Variants in GALNT13 observed in about 807,000 individuals in gnomAD.
GALNT13 encodes the protein UDP-GalNAc:polypeptide N-acetylgalactosaminyltransferase 13.
A neutral mutation model predicts 64.2 loss-of-function variants in GALNT13; 28 were observed. The observed-to-expected ratio is 0.44, with a 90% CI of 0.32 to 0.60. GALNT13 has a LOEUF of 0.60. Among genes scored for constraint, GALNT13 ranks in the 20% least tolerant of loss-of-function variants. GALNT13 has a pLI of 0.05. For missense variants in GALNT13, 577 were observed against 669.8 expected, an observed-to-expected ratio of 0.86 and a Z score of 1.53; for synonymous variants, 214 against 224.6, an observed-to-expected ratio of 0.95 and a Z score of 0.42.
the GALNT13 span, among the ~76,000 whole-genome samples, chr2:153,248,160 T>C: frequency 1.3e-5 from 2 of 152,164 alleles, no homozygotes; most frequent in Admixed American, 1.3e-4. Context: ...CCATTCCTTC[T>C]GAAACTATTC....
intron 9 of GALNT13, among the ~76,000 whole-genome samples, chr2:154,343,147 C>G (rs1052688436): frequency 5.3e-5 from 8 of 151,938 alleles, no homozygotes; most frequent in African/African-American, 1.9e-4. Context: ...TGGAGCTAAA[C>G]ATGGGGGCAT....
chr2:154,156,842 T>C (rs563994997), intron 4 of GALNT13, among the ~76,000 whole-genome samples: 2 of 152,262 alleles, frequency 1.3e-5, no homozygotes, highest in East Asian at 3.9e-4. Flanking sequence ...AGGTTCCAAA[T>C]GGAAAGACAA....
At chr2:154,060,119 G>A (rs1481736242) in intron 3 of GALNT13, among the ~76,000 whole-genome samples, 6 of 152,156 alleles carry the variant, frequency 3.9e-5, no homozygotes, top group Non-Finnish European at 8.8e-5. Flanking sequence ...ACCTATATGA[G>A]TGAACATTTG....
At chr2:153,860,992 G>T in the GALNT13 span, among the ~76,000 whole-genome samples, 1 of 152,194 alleles carries the variant, frequency 6.6e-6, no homozygotes, top group Non-Finnish European at 1.5e-5. Context: ...AGAAAGCAGT[G>T]AGAGCAGTGA....
At chr2:154,037,526 A>G (rs935642724) in intron 3 of GALNT13, among the ~76,000 whole-genome samples, 10 of 152,120 alleles carry the variant, frequency 6.6e-5, no homozygotes, top group African/African-American at 2.4e-4. Flanking sequence ...GGCAACAGAA[A>G]GAAATAAAGG....
At chr2:154,298,717 AAAT>A (rs1559076042) in intron 8 of GALNT13, among the ~76,000 whole-genome samples, 8 of 109,394 alleles carry the variant, frequency 7.3e-5, no homozygotes, top group African/African-American at 2.4e-4. Flanking sequence ...ATTTATATAT[AAAT>A]TATATTATTT....
At chr2:154,157,348 T>C (rs2105651420) in intron 4 of GALNT13, among the ~76,000 whole-genome samples, 2 of 152,244 alleles carry the variant, frequency 1.3e-5, no homozygotes, top group African/African-American at 4.8e-5. Context: ...ACCTCTTAAC[T>C]GCTTAAGCAC....
At chr2:153,550,644 T>C in the GALNT13 span, among the ~76,000 whole-genome samples, 1 of 152,216 alleles carries the variant, frequency 6.6e-6, no homozygotes, top group Admixed American at 6.5e-5. Context: ...CAGTCACATC[T>C]TGAGTGCCTA....
chr2:153,107,798 G>T, the GALNT13 span, among the ~76,000 whole-genome samples: 1 of 152,136 alleles, frequency 6.6e-6, no homozygotes, highest in African/African-American at 2.4e-5. Flanking sequence ...GCTCCACATT[G>T]CAGGGAGATG....
chr2:153,412,532 A>G, the GALNT13 span, among the ~76,000 whole-genome samples: 1 of 152,172 alleles, frequency 6.6e-6, no homozygotes, highest in East Asian at 1.9e-4. Flanking sequence ...GTGCACTGGC[A>G]TGTCTCTCAG....
At chr2:154,147,751 A>T (rs1305707484) in intron 4 of GALNT13, among the ~76,000 whole-genome samples, 2 of 151,942 alleles carry the variant, frequency 1.3e-5, no homozygotes, top group African/African-American at 4.8e-5. Context: ...AGAAAATCTA[A>T]TTTTCACTTT....
chr2:153,660,770 A>G, the GALNT13 span, among the ~76,000 whole-genome samples: 1 of 151,942 alleles, frequency 6.6e-6, no homozygotes, highest in Non-Finnish European at 1.5e-5. Context: ...GTGATGTATT[A>G]TCCTTATAGC....
At chr2:154,235,507 G>A (rs13409665) in intron 4 of GALNT13, among the ~76,000 whole-genome samples, 13 of 152,096 alleles carry the variant, frequency 8.5e-5, no homozygotes, top group Admixed American at 2.6e-4. Context: ...GAATATGAAT[G>A]TTAATGATTG....
the GALNT13 span, among the ~76,000 whole-genome samples, chr2:153,530,697 C>A: frequency 6.6e-6 from 1 of 151,858 alleles, no homozygotes; most frequent in Non-Finnish European, 1.5e-5. Flanking sequence ...AAGAGAGACA[C>A]ACAGGTGAAT....
chr2:153,415,592 T>A, the GALNT13 span, among the ~76,000 whole-genome samples: 1 of 152,306 alleles, frequency 6.6e-6, no homozygotes, highest in Non-Finnish European at 1.5e-5. Flanking sequence ...AAATTAAAAC[T>A]GAATTTGCAA....
At position 154,438,606 on chromosome 2, in the gene GALNT13, T is replaced by C. The variant is rs917116997; in HGVS notation, c.1410T>C (p.Thr470=). 6.2e-7 allele frequency: 1 copy of C among 1,611,584 alleles called. No individual in the cohort carries two copies. Among genetic ancestry groups the C allele is most frequent in the East Asian group, 2.2e-5 (1 of 44,822 alleles). Residue 470 remains threonine, a synonymous_variant, in exon 12 of 13, where the codon ACT becomes ACC. Transcript: ENST00000392825. ...TATATTTTCAGGTATTTTCTTACAC[T>C]GCTGACAAAGAAATCCGAACCGATG... ...GMGGNQVFSY[T]ADKEIRTDDL...
At chr2:153,867,767 T>A (rs559818441), upstream of GALNT13, among the ~76,000 whole-genome samples, 2 of 152,006 alleles carry the variant, frequency 1.3e-5, no homozygotes, top group Non-Finnish European at 2.9e-5. Flanking sequence ...TAGATTCTCA[T>A]AAGGAGCACA....
At chr2:153,312,785 T>C in the GALNT13 span, among the ~76,000 whole-genome samples, 10 of 152,204 alleles carry the variant, frequency 6.6e-5, no homozygotes, top group Admixed American at 2.6e-4. Context: ...TGGTGGTATG[T>C]TCAAACTGGC....
At chr2:154,406,272 A>G (rs1699535539) in intron 10 of GALNT13, among the ~76,000 whole-genome samples, 1 of 152,084 alleles carries the variant, frequency 6.6e-6, no homozygotes, top group Non-Finnish European at 1.5e-5. Flanking sequence ...TCTGTTAATC[A>G]CCATCATCTC....
Sources: gnomAD v4.1 joint callset for allele counts (sites outside exome capture counted in the v4.1 genomes callset) on GRCh38, gnomAD v4.1.1 for gene constraint, MANE v1.5 for transcripts, NCBI Gene and HGNC (gene_info 2026-07-23, HGNC 2026-07-21) for gene names.